MAP1S: variants seen among roughly 807,000 people sequenced by gnomAD.
MAP1S encodes the protein microtubule-associated protein 1S.
MAP1S carries 27 observed loss-of-function variants against 60.9 expected under a neutral mutation model. The observed-to-expected ratio is 0.44, with a 90% CI of 0.33 to 0.61. The LOEUF (loss-of-function observed/expected upper bound fraction) is 0.61, where lower values mean the gene tolerates loss of function less well. Ranked by LOEUF, MAP1S falls within the 20% of genes least tolerant of loss-of-function variation. MAP1S has a pLI of 0.03. For synonymous variants in MAP1S, 826 were observed against 694.2 expected (o/e 1.19, Z -2.98); for missense variants, 1,608 against 1,486.6 (o/e 1.08, Z -1.34).
intron 1 of MAP1S, chr19:17,720,171 C>T (rs1280176232): frequency 3.0e-6 from 4 of 1,340,020 alleles, no homozygotes; most frequent in Non-Finnish European, 2.9e-6. Context: ...ATAGGCGCAC[C>T]TGCCAGGTTC....
At position 17,727,775 on chromosome 19, in the gene MAP1S, G is replaced by C; in HGVS notation, c.2391G>C (p.Ser797=). The C allele has an allele frequency of 1.9e-6, 3 of 1,610,930 alleles. No homozygotes were observed. The highest frequency in any genetic ancestry group is 2.5e-6 in the Non-Finnish European group (3 of 1,178,736). ...VSESLPTLSD[S]DPVPLAPGAA... is the part of the protein sequence containing the mutation. ...AGTCCCTGCCCACCCTGTCTGACTC[G>C]GATCCCGTGCCCCTGGCCCCCGGTG... Residue 797 remains serine, a synonymous_variant, in exon 5 of 7, where the codon TCG becomes TCC. Coordinates refer to ENST00000324096, the MANE Select transcript of MAP1S (RefSeq NM_018174.6). The surrounding 1 kb of genome is among the most constrained non-coding windows in gnomAD (Gnocchi z 4.1).
intron 1 of MAP1S, 78 bp downstream of exon 1, chr19:17,719,698 GGGCGGCGGC>G (rs531398234): frequency 0.084 from 46,323 of 553,768 alleles, 5,554 homozygotes; most frequent in African/African-American, 0.43. Flanking sequence ...CGGCGGGGTG[GGGCGGCGGC>G]GGCGGCGGCG....
chr19:17,725,012 A>G lies in MAP1S; in HGVS notation c.304-37A>G, dbSNP rs764906678. Reference sequence around the variant, plus strand: ...AGAGGACTGCTGGATACGTCACTGCACAGAACGGGTCCTTTAGTGTTCACC... The same window carrying G: ...AGAGGACTGCTGGATACGTCACTGCGCAGAACGGGTCCTTTAGTGTTCACC... On this transcript the variant is annotated intron_variant, in intron 3 of 6. Transcript: ENST00000324096. This position sits in a 1 kb window ranked among gnomAD's most constrained non-coding sequence, Gnocchi z 4.2. 1.9e-5 allele frequency: 30 copies of G among 1,613,880 alleles called. No individual in the cohort carries two copies. Among genetic ancestry groups the G allele is most frequent in the Non-Finnish European group, 8.5e-7 (1 of 1,179,944 alleles).
At position 17,733,338 on chromosome 19, in the gene MAP1S, C is replaced by T. The variant is rs769204789; in HGVS notation, c.2934C>T (p.Ile978=). Residue 978 remains isoleucine, a synonymous_variant, in exon 6 of 7, where the codon ATC becomes ATT. Coordinates refer to ENST00000324096, the MANE Select transcript of MAP1S (RefSeq NM_018174.6). ...GCGTGCGCGCGCTCTGCTACGTCAT[C>T]AGTGGCCAGGACCAGCGCAAGGAGG... ...FQRVRALCYV[I]SGQDQRKEEG... 5 of 1,609,620 alleles carry T rather than the reference C, an allele frequency of 3.1e-6. No individual in the cohort carries two copies. Among genetic ancestry groups the T allele is most frequent in the Non-Finnish European group, 4.2e-6 (5 of 1,178,684 alleles).
Position 17,734,280 on chromosome 19 carries a change from T to G in MAP1S, c.3032T>G (p.Leu1011Arg). ...CCCCCCCTCCACCTGCAGGTGACCCTGATCCCCACTTTCGACTCGGTGGCC... is the reference window on the plus strand; with the variant it reads ...CCCCCCCTCCACCTGCAGGTGACCCGGATCCCCACTTTCGACTCGGTGGCC... ...QHWDRDLQVTLIPTFDSVAMH... is the reference protein window; with the variant it reads ...QHWDRDLQVTRIPTFDSVAMH... The change falls in exon 7 of 7, where the codon CTG becomes CGG. Residue 1011 changes from leucine to arginine, a missense_variant. By Grantham distance (102) the Leu-to-Arg change is moderately radical. This residue lies in a region of MAP1S where 76 missense variants were observed against 110.1 expected (regional missense o/e 0.69). Transcript: ENST00000324096. The G allele has an allele frequency of 6.2e-7, 1 of 1,611,892 alleles. No homozygotes were observed. Among genetic ancestry groups the G allele is most frequent in the Non-Finnish European group, 8.5e-7 (1 of 1,178,804 alleles).
Position 17,727,240 on chromosome 19 carries a change from G to C in MAP1S, c.1856G>C (p.Gly619Ala). Residue 619 changes from glycine (G) to alanine (A), a missense_variant, in exon 5 of 7, where the codon GGG (glycine) becomes GCG (alanine). Around this residue, in one of 4 missense-constraint regions of MAP1S, gnomAD observed 1,167 missense variants for 961.4 expected, o/e 1.21. Coordinates refer to ENST00000324096, the MANE Select transcript of MAP1S (RefSeq NM_018174.6). This position sits in a 1 kb window ranked among gnomAD's most constrained non-coding sequence, Gnocchi z 4.1. The part of the protein sequence containing the change: ...PSLELGPIPA[G>A]EEKALELPLA... The stretch of plus-strand genomic sequence containing the variant: ...CTGGAGCTGGGGCCGATCCCAGCCG[G>C]GGAGGAGAAGGCACTGGAGCTGCCT... The C allele has an allele frequency of 6.4e-7, 1 of 1,567,918 alleles. No homozygotes were observed. The highest frequency in any genetic ancestry group is 8.6e-7 in the Non-Finnish European group (1 of 1,161,954).
chr19:17,722,666 T>G (rs1216852561), intron 2 of MAP1S, among the ~76,000 whole-genome samples: 1 of 150,940 alleles, frequency 6.6e-6, no homozygotes, highest in Non-Finnish European at 1.5e-5. Context: ...GGAGAATTGC[T>G]TGAACTCAGG....
intron 5 of MAP1S, among the ~76,000 whole-genome samples, chr19:17,728,538 G>A (rs911460327): frequency 1.3e-5 from 2 of 150,938 alleles, no homozygotes; most frequent in African/African-American, 2.4e-5. Context: ...CGTGAGCCAC[G>A]GTGCCCTGCC....
intron 1 of MAP1S, chr19:17,720,421 G>A: frequency 1.3e-6 from 2 of 1,535,202 alleles, no homozygotes; most frequent in East Asian, 4.9e-5. Context: ...GTTCAGCCCT[G>A]CCAACACAGG....
rs769345166 is a variant in MAP1S at position 17,733,322 on chromosome 19, C to T, written c.2918C>T (p.Ala973Val). Residue 973 changes from alanine to valine, a missense_variant, in exon 6 of 7, where the codon GCG (alanine) becomes GTG (valine). By Grantham distance (64) the Ala-to-Val change is moderately conservative. Around this residue, in one of 4 missense-constraint regions of MAP1S, gnomAD observed 1,167 missense variants for 961.4 expected, o/e 1.21. Transcript: ENST00000324096. ...VDEEFFQRVR[A>V]LCYVISGQDQ... is the part of the protein sequence containing the mutation. Reference sequence around the variant, plus strand: ...GAGGAGTTCTTCCAGCGCGTGCGCGCGCTCTGCTACGTCATCAGTGGCCAG... The same window carrying T: ...GAGGAGTTCTTCCAGCGCGTGCGCGTGCTCTGCTACGTCATCAGTGGCCAG... The T allele has an allele frequency of 3.7e-6, 6 of 1,606,336 alleles. No homozygotes were observed. Among genetic ancestry groups the T allele is most frequent in the African/African-American group, 1.3e-5 (1 of 74,908 alleles).
At chr19:17,724,514 C>A (rs1174007727) in intron 3 of MAP1S, among the ~76,000 whole-genome samples, 3 of 152,130 alleles carry the variant, frequency 2.0e-5, no homozygotes, top group Admixed American at 6.5e-5. Flanking sequence ...CTGTGGGTTC[C>A]CTCCGGCTAG....
Position 17,726,877 on chromosome 19 carries a change from G to A in MAP1S, c.1493G>A (p.Arg498His), listed in dbSNP as rs750619800. 4.5e-6 allele frequency: 7 copies of A among 1,555,782 alleles called. No homozygotes were observed. Among genetic ancestry groups the A allele is most frequent in the Middle Eastern group, 1.7e-4 (1 of 6,016 alleles). ...ACCCACCCTAGACCTGGCCAGGAGC[G>A]CCCTGGGGTGGCCCGCAAGGAGCCA... ...LATHPRPGQERPGVARKEPAR... is the reference protein window; with the variant it reads ...LATHPRPGQEHPGVARKEPAR... Residue 498 changes from arginine (R) to histidine (H), a missense_variant, in exon 5 of 7, where the codon CGC becomes CAC. Arg to His is a conservative substitution (Grantham distance 29). Transcript: ENST00000324096.
chr19:17,723,644 A>G (rs957769974), intron 2 of MAP1S, among the ~76,000 whole-genome samples: 7 of 152,168 alleles, frequency 4.6e-5, no homozygotes, highest in Non-Finnish European at 8.8e-5. Context: ...AGGTCAGGAT[A>G]TGGAGACTAT....
chr19:17,729,990 T>C (rs893202366), intron 5 of MAP1S, among the ~76,000 whole-genome samples: 1 of 152,090 alleles, frequency 6.6e-6, no homozygotes, highest in Admixed American at 6.6e-5. Flanking sequence ...AATTTTTCAG[T>C]AGCACTGGGG....
chr19:17,720,036 C>A, intron 1 of MAP1S: 2 of 825,926 alleles, frequency 2.4e-6, no homozygotes, highest in Non-Finnish European at 3.0e-6. Context: ...GAGGGAGAAG[C>A]AGATATGGGG....
intron 6 of MAP1S, among the ~76,000 whole-genome samples, chr19:17,733,651 C>T (rs531165497): frequency 4.6e-5 from 7 of 152,306 alleles, no homozygotes; most frequent in African/African-American, 1.7e-4. Context: ...GGACGCAGGG[C>T]CTCGTGAAGC....
In MAP1S at chr19:17,726,581, CCCGCCCT is replaced by C; in HGVS notation, c.1203_1209del (p.Ser402AlafsTer48). 1 of 1,575,110 alleles carries C rather than the reference CCCGCCCT, an allele frequency of 6.3e-7. No homozygotes were observed. The highest frequency in any genetic ancestry group is 8.6e-7 in the Non-Finnish European group (1 of 1,165,896). On this transcript the variant is annotated frameshift_variant, in exon 5 of 7. Coordinates refer to ENST00000324096, the MANE Select transcript of MAP1S (RefSeq NM_018174.6). LOFTEE classifies it high-confidence loss of function. ...GCCGGCTGGACATGTATGTGCTGCA[CCCGCCCT>C]CCGCCGGCGCCGAGCGCACGCTGGC...
chr19:17,732,165 A>G (rs1248642929), intron 5 of MAP1S, among the ~76,000 whole-genome samples: 2 of 152,202 alleles, frequency 1.3e-5, no homozygotes, highest in Non-Finnish European at 2.9e-5. Flanking sequence ...TGGCTTCCCC[A>G]GGGCTTTTCT....
chr19:17,726,883 G>C lies in MAP1S; in HGVS notation c.1499G>C (p.Gly500Ala). ...CCTAGACCTGGCCAGGAGCGCCCTG[G>C]GGTGGCCCGCAAGGAGCCAGCACGG... ...THPRPGQERPGVARKEPARAE... is the reference protein window; with the variant it reads ...THPRPGQERPAVARKEPARAE... The change falls in exon 5 of 7, where the codon GGG becomes GCG. Residue 500 changes from glycine to alanine, a missense_variant. Coordinates refer to ENST00000324096, the MANE Select transcript of MAP1S (RefSeq NM_018174.6). 6.4e-7 allele frequency: 1 copy of C among 1,557,282 alleles called. No homozygotes were observed. Among genetic ancestry groups the C allele is most frequent in the Non-Finnish European group, 8.7e-7 (1 of 1,151,002 alleles).
Sources: allele counts gnomAD v4.1 joint callset (sites outside exome capture counted in the v4.1 genomes callset), GRCh38; gene constraint gnomAD v4.1.1; regional missense constraint gnomAD v4.1.1; non-coding constraint Gnocchi (gnomAD v3.1); transcripts MANE v1.5; gene names NCBI Gene and HGNC (gene_info 2026-07-23, HGNC 2026-07-21).